The following ADGRV1 variants were observed in gnomAD, a reference collection of about 807,000 sequenced individuals.
ADGRV1 encodes G-protein coupled receptor 98.
Under a neutral mutation model 596.2 loss-of-function variants are expected in ADGRV1, and 359 were observed. The ratio of observed to expected loss-of-function variants is 0.60; its 90% CI spans 0.55 to 0.66. The LOEUF (loss-of-function observed/expected upper bound fraction) is 0.66, where lower values mean the gene tolerates loss of function less well. ADGRV1 is among the 30% of genes least tolerant of loss of function. The pLI is 0.00. For missense variants in ADGRV1, 7,274 were observed against 7,575.6 expected (o/e 0.96, Z 1.48); for synonymous variants, 2,681 against 2,679.2 (o/e 1.00, Z -0.02).
rs748876967 is a variant in ADGRV1, at chr5:90,657,989, G to A, written c.4463G>A (p.Arg1488Gln). 1.4e-5 allele frequency: 23 copies of A among 1,613,790 alleles called. No individual in the cohort carries two copies. Among genetic ancestry groups the A allele is most frequent in the African/African-American group, 5.3e-5 (4 of 74,898 alleles). ...GLMQDVRSYE[R>Q]KLTLEEIYEL... ...ATGCAGGATGTGAGGTCCTATGAGC[G>A]GAAACTGACGCTTGAAGAAATTTAT... Residue 1488 changes from arginine (R) to glutamine (Q), a missense_variant, in exon 21 of 90, where the codon CGG becomes CAG. Arg to Gln is a conservative substitution (Grantham distance 43, BLOSUM62 1). Coordinates refer to ENST00000405460, the MANE Select transcript of ADGRV1 (RefSeq NM_032119.4).
In ADGRV1 at chr5:91,081,754, T is replaced by G. The variant is rs372337661; in HGVS notation, c.18310+9150T>G. ...TGAGCCAAGATCATGCCATTGTACTTCAGCCTGAGCAACAAGAGTGAAACT... is the reference window on the plus strand; with the variant it reads ...TGAGCCAAGATCATGCCATTGTACTGCAGCCTGAGCAACAAGAGTGAAACT... On this transcript the variant is annotated intron_variant, in intron 86 of 89. Coordinates refer to ENST00000405460, the MANE Select transcript of ADGRV1 (RefSeq NM_032119.4). 3.3e-5 allele frequency among the ~76,000 whole-genome samples: 5 copies of G among 152,002 alleles called. No homozygotes were observed. In the South Asian group the frequency reaches 6.2e-4, roughly 19 times the overall value.
At chr5:90,614,115 AG>A (rs1446337497) in intron 1 of ADGRV1, 1 of 243,198 alleles carries the variant, frequency 4.1e-6, no homozygotes, top group Non-Finnish European at 8.0e-6. Flanking sequence ...TGCTGAAAGT[AG>A]GAACAGTATT....
intron 83 of ADGRV1, among the ~76,000 whole-genome samples, chr5:90,893,482 G>A (rs1009749473): frequency 2.0e-4 from 30 of 152,122 alleles, no homozygotes; most frequent in African/African-American, 6.3e-4. Context: ...CACTGGGGCC[G>A]TTGTGAAGGC....
At chr5:90,683,561 G>C in intron 27 of ADGRV1, 25 bp from the exon 28 acceptor site, 1 of 1,515,164 alleles carries the variant, frequency 6.6e-7, no homozygotes, top group Non-Finnish European at 8.9e-7. Context: ...TCTTTTAATA[G>C]ATTTTAATAT....
chr5:91,059,884 GATAA>G (rs1264685937), intron 85 of ADGRV1, among the ~76,000 whole-genome samples: 1 of 152,072 alleles, frequency 6.6e-6, no homozygotes, highest in Non-Finnish European at 1.5e-5. Context: ...ACATAAAAAT[GATAA>G]ATAAATACTA....
intron 83 of ADGRV1, among the ~76,000 whole-genome samples, chr5:90,953,743 T>G (rs1350876763): frequency 6.6e-6 from 1 of 152,102 alleles, no homozygotes; most frequent in Non-Finnish European, 1.5e-5. Context: ...AAAATAATTA[T>G]AAAACTAATA....
intron 25 of ADGRV1, among the ~76,000 whole-genome samples, chr5:90,677,774 A>C (rs1744424893): frequency 6.6e-6 from 1 of 152,190 alleles, no homozygotes; most frequent in South Asian, 2.1e-4. Context: ...CGTAGGAAGC[A>C]ATAGTGGCCG....
chr5:91,097,803 C>A (rs1037063706), intron 86 of ADGRV1, among the ~76,000 whole-genome samples: 3 of 152,038 alleles, frequency 2.0e-5, no homozygotes, highest in Non-Finnish European at 4.4e-5. Flanking sequence ...TGGTTTTGAT[C>A]TTCGTTTCCC....
chr5:90,635,424 T>C (rs1221968392), intron 10 of ADGRV1, 134 bp downstream of exon 10: 6 of 698,012 alleles, frequency 8.6e-6, no homozygotes, highest in Non-Finnish European at 1.4e-5. Context: ...CTTCAGTATG[T>C]CATTTGAAAT....
rs185408165 is a variant in ADGRV1 at position 91,069,038 on chromosome 5, G to A, written c.18153-3409G>A. On this transcript the variant is annotated intron_variant, in intron 85 of 89. Transcript: ENST00000405460. ...GCAAAGCTGACAAGAACAAATGACA[G>A]GGAAAGGACTCTCTATTCAATAAAT... Among the ~76,000 whole-genome samples, 5 of 152,282 alleles carry A rather than the reference G, an allele frequency of 3.3e-5. No homozygotes were observed. In the East Asian group the frequency reaches 9.7e-4, roughly 29 times the overall value.
chr5:90,893,037 A>G (rs1420611630), intron 83 of ADGRV1, among the ~76,000 whole-genome samples: 1 of 152,190 alleles, frequency 6.6e-6, no homozygotes, highest in African/African-American at 2.4e-5. Context: ...ATCATTTATT[A>G]TGTCACAAAA....
At chr5:90,982,399 T>A (rs1209628127) in intron 84 of ADGRV1, among the ~76,000 whole-genome samples, 1 of 152,106 alleles carries the variant, frequency 6.6e-6, no homozygotes, top group African/African-American at 2.4e-5. Context: ...TTTTGGTTTT[T>A]AAAAAAAATG....
At chr5:90,961,230 G>T (rs914326704) in intron 83 of ADGRV1, among the ~76,000 whole-genome samples, 1 of 152,126 alleles carries the variant, frequency 6.6e-6, no homozygotes, top group Non-Finnish European at 1.5e-5. Context: ...GCCGCGCGCA[G>T]CGGTTCACGC....
chr5:90,807,420 C>T (rs1344642895), intron 72 of ADGRV1, among the ~76,000 whole-genome samples, 182 bp from the exon 73 acceptor site: 1 of 152,124 alleles, frequency 6.6e-6, no homozygotes. Flanking sequence ...GGACCGAAAG[C>T]AAGATTTGTG....
intron 83 of ADGRV1, among the ~76,000 whole-genome samples, chr5:90,953,288 A>G (rs4916833): frequency 0.74 from 111,777 of 152,056 alleles, 41,711 homozygotes; most frequent in African/African-American, 0.85. Context: ...CACAGGGACA[A>G]TAACATTATA....
chr5:90,759,055 T>C (rs987380894), intron 57 of ADGRV1, among the ~76,000 whole-genome samples: 4 of 152,178 alleles, frequency 2.6e-5, no homozygotes, highest in Non-Finnish European at 5.9e-5. Flanking sequence ...AAAAAAATTT[T>C]AAGAATAAGG....
chr5:90,676,378 A>T (rs991572996), intron 25 of ADGRV1, among the ~76,000 whole-genome samples, 169 bp downstream of exon 25: 3 of 152,230 alleles, frequency 2.0e-5, no homozygotes, highest in Non-Finnish European at 4.4e-5. Context: ...CTTAAGATAC[A>T]TGATAATATA....
intron 75 of ADGRV1, among the ~76,000 whole-genome samples, chr5:90,820,721 T>C (rs1763405499): frequency 6.6e-6 from 1 of 151,322 alleles, no homozygotes; most frequent in Non-Finnish European, 1.5e-5. Flanking sequence ...AATTCTTTTC[T>C]TTAAGAATGT....
chr5:90,651,541 G>T, intron 17 of ADGRV1, 63 bp from the exon 18 acceptor site: 1 of 1,298,416 alleles, frequency 7.7e-7, no homozygotes, highest in Non-Finnish European at 1.0e-6. Context: ...TAATTTAAAA[G>T]TATAAATTTT....
Sources: gnomAD v4.1 joint callset for allele counts (sites outside exome capture counted in the v4.1 genomes callset) on GRCh38, gnomAD v4.1.1 for gene constraint, MANE v1.5 for transcripts, NCBI Gene and HGNC (gene_info 2026-07-23, HGNC 2026-07-21) for gene names.